SLC17A5: variants seen among roughly 807,000 people sequenced by gnomAD.
SLC17A5 encodes sialin.
Under a neutral mutation model 59.4 loss-of-function variants are expected in SLC17A5, and 47 were observed. The observed-to-expected ratio is 0.79, with a 90% CI of 0.63 to 1.01. The LOEUF is 1.01. Ranked by LOEUF, SLC17A5 falls within the 50% of genes least tolerant of loss-of-function variation. The probability of loss-of-function intolerance (pLI) is 0.00; values close to 1 mark genes in which losing one functional copy is unlikely to be tolerated. For missense variants in SLC17A5, 522 were observed against 595.5 expected (o/e 0.88, Z 1.28); for synonymous variants, 202 against 210.7 (o/e 0.96, Z 0.36).
At chr6:73,596,429 T>C (rs1766802034) in intron 10 of SLC17A5, among the ~76,000 whole-genome samples, 1 of 152,202 alleles carries the variant, frequency 6.6e-6, no homozygotes, top group Non-Finnish European at 1.5e-5. Flanking sequence ...AACTGTTCAG[T>C]GTATAACCCT....
At chr6:73,606,464 C>T (rs888033993) in intron 9 of SLC17A5, among the ~76,000 whole-genome samples, 3 of 152,174 alleles carry the variant, frequency 2.0e-5, no homozygotes, top group Admixed American at 1.3e-4. Context: ...TTGCTGGCAT[C>T]ATTTATGTTA....
chr6:73,618,973 C>T (rs936149900), intron 7 of SLC17A5, among the ~76,000 whole-genome samples: 3 of 152,244 alleles, frequency 2.0e-5, no homozygotes, highest in East Asian at 1.9e-4. Flanking sequence ...GCAATCCGCC[C>T]GCCTCGGCTT....
chr6:73,627,577 C>T (rs1768488522), intron 6 of SLC17A5, among the ~76,000 whole-genome samples: 2 of 151,732 alleles, frequency 1.3e-5, no homozygotes, highest in Admixed American at 6.6e-5. Flanking sequence ...AACACATACT[C>T]TCGATGGCTT....
chr6:73,653,119 AGACGGAAAAAAAATG>A (rs1769945556), intron 1 of SLC17A5: 2 of 985,448 alleles, frequency 2.0e-6, no homozygotes, highest in African/African-American at 3.5e-5. Context: ...ATAGACTGCC[AGACGGAAAAAAAATG>A]TCCTCGATGT....
intron 1 of SLC17A5, chr6:73,652,950 T>C: frequency 2.8e-6 from 2 of 704,478 alleles, no homozygotes; most frequent in Non-Finnish European, 3.5e-6. Flanking sequence ...TAAACTATAT[T>C]ACAAAAGTGT....
chr6:73,653,960 G>A lies in SLC17A5; in HGVS notation c.-74C>T. The A allele has an allele frequency of 1.5e-6, 2 of 1,348,356 alleles. No homozygotes were observed. Among genetic ancestry groups the A allele is most frequent in the Non-Finnish European group, 2.1e-6 (2 of 966,540 alleles). 83.5% of individuals were successfully genotyped at this position (1,348,356 alleles called of 1,614,324 possible). A position where few individuals can be genotyped will look rare whatever the true frequency, so the allele number is the denominator to read the frequency against. The stretch of plus-strand genomic sequence containing the variant: ...CCGGCCCGACAGCCCGAAGCCCCCG[G>A]GCCGAGCTGGCTGGACCGGGCGGGG... On this transcript the variant is annotated 5_prime_UTR_variant, in exon 1 of 11. Transcript: ENST00000355773.
At chr6:73,635,559 C>G in intron 5 of SLC17A5, 59 bp from the exon 6 acceptor site, 1 of 868,230 alleles carries the variant, frequency 1.2e-6, no homozygotes, top group East Asian at 2.7e-5. Context: ...ACAAACAAAA[C>G]AAAACAAAAA....
rs552631977 is a variant in SLC17A5 at position 73,625,858 on chromosome 6, G to T, written c.820-3896C>A. 1.8e-4 allele frequency among the ~76,000 whole-genome samples: 28 copies of T among 152,240 alleles called. No individual in the cohort carries two copies. In the South Asian group the frequency reaches 5.6e-3, roughly 30 times the overall value. ...TGGGAGGTAAGTATCCCTAGTTTTT[G>T]AAGATCCCTGGGTGATTTCAATGTG... On this transcript the variant is annotated intron_variant, in intron 6 of 10. Coordinates refer to ENST00000355773, the MANE Select transcript of SLC17A5 (RefSeq NM_012434.5).
intron 10 of SLC17A5, among the ~76,000 whole-genome samples, chr6:73,598,632 AAAG>A (rs1354732186): frequency 2.0e-5 from 3 of 152,132 alleles, no homozygotes; most frequent in Admixed American, 6.6e-5. Flanking sequence ...TTCATCTCAA[AAAG>A]AAGAAAGAAA....
intron 8 of SLC17A5, among the ~76,000 whole-genome samples, chr6:73,612,888 C>CA (rs1175625412): frequency 1.3e-4 from 20 of 152,166 alleles, no homozygotes; most frequent in South Asian, 2.1e-4. Context: ...CATGTCTCTA[C>CA]AAAAAATCAA....
In SLC17A5 at chr6:73,595,181, T is replaced by G; in HGVS notation, c.1384A>C (p.Ile462Leu). The G allele has an allele frequency of 6.2e-7, 1 of 1,614,146 alleles. No homozygotes were observed. The highest frequency in any genetic ancestry group is 1.1e-5 in the South Asian group (1 of 91,080). Residue 462 changes from isoleucine to leucine, a missense_variant, in exon 11 of 11, where the codon ATT becomes CTT. Physicochemically the swap from Ile to Leu is conservative, Grantham distance 5. This residue lies in a region of SLC17A5 where 153 missense variants were observed against 168.5 expected (regional missense o/e 0.91). Transcript: ENST00000355773. Reference protein sequence around the residue: ...TVGEWQTVFYIAAAINVFGAI... With the variant: ...TVGEWQTVFYLAAAINVFGAI... The stretch of plus-strand genomic sequence containing the variant: ...CCAAAAACATTAATAGCAGCAGCAA[T>G]ATAGAACACGGTTTGCCATTCTCCA...
At chr6:73,639,726 C>T (rs1007344911) in intron 3 of SLC17A5, among the ~76,000 whole-genome samples, 3 of 152,156 alleles carry the variant, frequency 2.0e-5, no homozygotes, top group Non-Finnish European at 4.4e-5. Context: ...GACGAGAGAA[C>T]CTGAGTATAA....
chr6:73,622,814 G>C (rs1561993076), intron 6 of SLC17A5, among the ~76,000 whole-genome samples: 1 of 152,116 alleles, frequency 6.6e-6, no homozygotes, highest in South Asian at 2.1e-4. Context: ...TATGCAAGAT[G>C]ATCTGTTGGG....
At chr6:73,650,811 G>A (rs919051592) in intron 1 of SLC17A5, among the ~76,000 whole-genome samples, 1 of 152,152 alleles carries the variant, frequency 6.6e-6, no homozygotes, top group Admixed American at 6.6e-5. Context: ...ATAAGGGCAG[G>A]AGCTTTTGTT....
chr6:73,602,099 C>T (rs1212167965), intron 9 of SLC17A5, among the ~76,000 whole-genome samples: 1 of 151,794 alleles, frequency 6.6e-6, no homozygotes, highest in East Asian at 1.9e-4. Flanking sequence ...TACTAAGATA[C>T]ATTCTTCTGC....
chr6:73,617,647 C>T (rs1371841057), intron 7 of SLC17A5, among the ~76,000 whole-genome samples: 1 of 152,044 alleles, frequency 6.6e-6, no homozygotes, highest in Non-Finnish European at 1.5e-5. Flanking sequence ...AGTTTGAGAC[C>T]AGCTTGGTGA....
chr6:73,600,997 G>T (rs989140174), intron 9 of SLC17A5, among the ~76,000 whole-genome samples: 6 of 151,896 alleles, frequency 4.0e-5, no homozygotes, highest in Non-Finnish European at 8.8e-5. Context: ...TCTCTGCCTG[G>T]CCGCCCATCG....
intron 7 of SLC17A5, among the ~76,000 whole-genome samples, chr6:73,620,378 G>A (rs1484828462): frequency 6.6e-6 from 1 of 152,120 alleles, no homozygotes; most frequent in Non-Finnish European, 1.5e-5. Context: ...CTTTATAGTT[G>A]AAATGTAGTA....
Position 73,635,881 on chromosome 6 carries a change from C to T in SLC17A5, c.701-381G>A, listed in dbSNP as rs182833712. 1.0e-3 allele frequency among the ~76,000 whole-genome samples: 152 copies of T among 152,098 alleles called. No homozygotes were observed. The Middle Eastern group carries it at 0.024, about 24-fold the overall frequency. ...TCAGCCTCCTGAGTAGCTGGGACTA[C>T]AGGCACGTGCCACCACGCCTGGCTA... is the stretch of plus-strand genomic sequence containing the variant. On this transcript the variant is annotated intron_variant, in intron 5 of 10. Coordinates refer to ENST00000355773, the MANE Select transcript of SLC17A5 (RefSeq NM_012434.5).
Sources: allele counts gnomAD v4.1 joint callset (sites outside exome capture counted in the v4.1 genomes callset), GRCh38; gene constraint gnomAD v4.1.1; regional missense constraint gnomAD v4.1.1; transcripts MANE v1.5; gene names NCBI Gene and HGNC (gene_info 2026-07-23, HGNC 2026-07-21).